PURG: variants seen among roughly 807,000 people sequenced by gnomAD.
PURG encodes purine-rich element-binding protein gamma.
Under a neutral mutation model 24.3 loss-of-function variants are expected in PURG, and 3 were observed. That is an observed-to-expected ratio of 0.12 (90% CI 0.06 to 0.32). The LOEUF is 0.32. PURG is among the 10% of genes least tolerant of loss of function. The pLI is 1.00. For missense variants in PURG, 371 were observed against 439.1 expected (o/e 0.84, Z 1.39); for synonymous variants, 180 against 173.1 (o/e 1.04, Z -0.31).
At chr8:31,015,141 T>C (rs1241970179) in intron 1 of PURG, among the ~76,000 whole-genome samples, 1 of 152,162 alleles carries the variant, frequency 6.6e-6, no homozygotes, top group African/African-American at 2.4e-5. Context: ...GAAAGTGTAA[T>C]GGTAGTTGCC....
At chr8:30,996,811 G>A (rs1461008664) in intron 1 of PURG, 2 of 827,848 alleles carry the variant, frequency 2.4e-6, no homozygotes, top group Non-Finnish European at 3.7e-6. Context: ...CTGTTAGAAA[G>A]CATGTAACAA....
At chr8:30,998,434 T>C (rs1342880865) in intron 1 of PURG, among the ~76,000 whole-genome samples, 2 of 151,782 alleles carry the variant, frequency 1.3e-5, no homozygotes, top group African/African-American at 4.8e-5. Context: ...TAAAGTGCCT[T>C]CTTTTCCAGG....
chr8:31,012,346 T>TAA (rs1810779146), intron 1 of PURG, among the ~76,000 whole-genome samples: 1 of 152,080 alleles, frequency 6.6e-6, no homozygotes, highest in Non-Finnish European at 1.5e-5. Flanking sequence ...ATTATATATA[T>TAA]AATATATCAT....
chr8:31,005,551 T>C (rs1403114296), intron 1 of PURG, among the ~76,000 whole-genome samples: 1 of 152,040 alleles, frequency 6.6e-6, no homozygotes. Context: ...GTGGTTGCTT[T>C]TGGAAGTCAG....
At chr8:31,009,512 C>T (rs1268362812) in intron 1 of PURG, among the ~76,000 whole-genome samples, 2 of 152,162 alleles carry the variant, frequency 1.3e-5, no homozygotes, top group Non-Finnish European at 2.9e-5. Context: ...CCTGCCAGTT[C>T]CTCAGTGATG....
intron 1 of PURG, among the ~76,000 whole-genome samples, chr8:31,013,233 C>T (rs1810797035): frequency 6.6e-6 from 1 of 152,274 alleles, no homozygotes; most frequent in South Asian, 2.1e-4. Flanking sequence ...AACCAAATCA[C>T]ATAGTTACCT....
downstream of PURG, among the ~76,000 whole-genome samples, chr8:31,029,341 T>C (rs998930933): frequency 6.6e-6 from 1 of 151,854 alleles, no homozygotes; most frequent in African/African-American, 2.4e-5. Context: ...GAAGTATACA[T>C]ACAAAGTAGA....
intron 1 of PURG, among the ~76,000 whole-genome samples, chr8:31,015,519 A>G (rs1392088641): frequency 2.0e-5 from 3 of 152,170 alleles, no homozygotes; most frequent in South Asian, 4.1e-4. Flanking sequence ...TAAAGGGTCA[A>G]CTTTTGAGAC....
At chr8:31,012,849 T>G (rs1000308083) in intron 1 of PURG, among the ~76,000 whole-genome samples, 1 of 152,240 alleles carries the variant, frequency 6.6e-6, no homozygotes, top group East Asian at 1.9e-4. Context: ...AACAAATTTC[T>G]GAATGATTGA....
At chr8:31,017,233 T>C (rs562821865) in intron 1 of PURG, among the ~76,000 whole-genome samples, 3 of 152,208 alleles carry the variant, frequency 2.0e-5, no homozygotes, top group East Asian at 1.9e-4. Flanking sequence ...AGCCAATCAA[T>C]TGCAAATACA....
chr8:31,027,223 A>G (rs982229086), downstream of PURG, among the ~76,000 whole-genome samples: 5 of 151,750 alleles, frequency 3.3e-5, no homozygotes, highest in Non-Finnish European at 5.9e-5. Flanking sequence ...TTCTGTAGGC[A>G]TAGAATCAAT....
chr8:31,017,780 T>A (rs1416146826), intron 1 of PURG, among the ~76,000 whole-genome samples: 1 of 152,136 alleles, frequency 6.6e-6, no homozygotes, highest in Non-Finnish European at 1.5e-5. Context: ...TAAGATGAAA[T>A]TAGCAAACGA....
intron 1 of PURG, among the ~76,000 whole-genome samples, chr8:31,017,187 C>T (rs1159267099): frequency 6.6e-6 from 1 of 151,880 alleles, no homozygotes; most frequent in Non-Finnish European, 1.5e-5. Context: ...CTGTTTTTTC[C>T]CTCTCCCTGT....
Position 31,032,391 on chromosome 8 carries a change from A to G in PURG, c.392T>C (p.Leu131Pro). The change falls in exon 2 of 2, where the codon CTG becomes CCG. Residue 131 changes from leucine to proline, a missense_variant. This residue lies in a region of PURG where 213 missense variants were observed against 230.6 expected (regional missense o/e 0.92). Transcript: ENST00000523392. The surrounding 1 kb of genome is among the most constrained non-coding windows in gnomAD (Gnocchi z 5.9). ...GCCATGCTCTTGCCGGTGGCCTTTC[A>G]GGCCCAGGTGGGCATAGTGCTCGAT... Reference protein sequence around the residue: ...DFIEHYAHLGLKGHRQEHGHS... With the variant: ...DFIEHYAHLGPKGHRQEHGHS... 1.2e-6 allele frequency: 2 copies of G among 1,613,522 alleles called. No individual in the cohort carries two copies. Among genetic ancestry groups the G allele is most frequent in the East Asian group, 2.2e-5 (1 of 44,840 alleles).
In PURG at chr8:31,032,334, T is replaced by C. The variant is rs1811239015; in HGVS notation, c.449A>G (p.Gln150Arg). Reference protein sequence around the residue: ...HSKEQGSRRRQKHSAPSPPVS... With the variant: ...HSKEQGSRRRRKHSAPSPPVS... ...TGGTGGGGAGGGTGCCGAGTGCTTC[T>C]GCCTCCTTCTGGAGCCTTGCTCTTT... The change falls in exon 2 of 2, where the codon CAG becomes CGG. Residue 150 changes from glutamine (Q) to arginine (R), a missense_variant. Gln to Arg is a conservative substitution (Grantham distance 43). Around this residue, in one of 5 missense-constraint regions of PURG, gnomAD observed 213 missense variants for 230.6 expected, o/e 0.92. Transcript: ENST00000523392. The surrounding 1 kb of genome is among the most constrained non-coding windows in gnomAD (Gnocchi z 5.9). 6.2e-7 allele frequency: 1 copy of C among 1,613,018 alleles called. No homozygotes were observed. Among genetic ancestry groups the C allele is most frequent in the South Asian group, 1.1e-5 (1 of 91,084 alleles).
chr8:31,026,569 T>C (rs1811092701), downstream of PURG, among the ~76,000 whole-genome samples: 1 of 149,690 alleles, frequency 6.7e-6, no homozygotes, highest in Admixed American at 6.7e-5. Context: ...AAATGACAGA[T>C]CTGAAATTGA....
In PURG at chr8:31,031,579, A is replaced by T; in HGVS notation, c.*160T>A. On this transcript the variant is annotated 3_prime_UTR_variant, in exon 2 of 2. Coordinates refer to ENST00000523392, the MANE Select transcript of PURG (RefSeq NM_001323311.2). ...GTAAGAATTATAGTGATCTATGTGT[A>T]ACATAACATGAGAATCAGACTTCCT... The T allele has an allele frequency of 3.0e-6, 2 of 675,628 alleles. No individual in the cohort carries two copies. Among genetic ancestry groups the T allele is most frequent in the Non-Finnish European group, 4.9e-6 (2 of 405,362 alleles). 41.9% of individuals were successfully genotyped at this position (675,628 alleles called of 1,614,324 possible). A position where few individuals can be genotyped will look rare whatever the true frequency, so the allele number is the denominator to read the frequency against.
chr8:30,998,702 C>T lies in PURG; in HGVS notation c.865-2005G>A, dbSNP rs74628465. On this transcript the variant is annotated intron_variant, in intron 1 of 1. Transcript: ENST00000339382. ...TAAATGCTGTGATACACTCATGTTG[C>T]TTCTGAACAATATAGTTTATGGCGT... Among the ~76,000 whole-genome samples, 740 of 151,898 alleles carry T rather than the reference C, an allele frequency of 4.9e-3. 2 individuals are homozygous for T. Among genetic ancestry groups the T allele is most frequent in the Non-Finnish European group, 8.2e-3 (558 of 67,734 alleles).
chr8:30,998,717 GT>G (rs1810477973), intron 1 of PURG, among the ~76,000 whole-genome samples: 1 of 151,802 alleles, frequency 6.6e-6, no homozygotes, highest in Admixed American at 6.6e-5. Context: ...GAACAATATA[GT>G]TTATGGCGTA....
Sources: gnomAD v4.1 joint callset for allele counts (sites outside exome capture counted in the v4.1 genomes callset) on GRCh38, gnomAD v4.1.1 for gene constraint, gnomAD v4.1.1 regional missense constraint, Gnocchi (gnomAD v3.1) non-coding constraint, MANE v1.5 for transcripts, NCBI Gene and HGNC (gene_info 2026-07-23, HGNC 2026-07-21) for gene names.